Variants in PRKCA observed in about 807,000 individuals in gnomAD.
The protein encoded by PRKCA is protein kinase C alpha, also known as protein kinase C alpha type.
In PRKCA, 27 loss-of-function variants were observed where a neutral mutation model predicts 87.0. The ratio of observed to expected loss-of-function variants is 0.31; its 90% CI spans 0.23 to 0.43. The LOEUF is 0.43. Among genes scored for constraint, PRKCA ranks in the 20% least tolerant of loss-of-function variants. The probability of loss-of-function intolerance (pLI) is 1.00; values close to 1 mark genes in which losing one functional copy is unlikely to be tolerated. For synonymous variants in PRKCA, 329 were observed against 311.1 expected (o/e 1.06, Z -0.61); for missense variants, 518 against 852.3 (o/e 0.61, Z 4.88).
chr17:66,739,438 A>G (rs906953148), intron 11 of PRKCA, among the ~76,000 whole-genome samples: 3 of 152,128 alleles, frequency 2.0e-5, no homozygotes, highest in Admixed American at 6.5e-5. Flanking sequence ...TGGTTATCAC[A>G]CACCTGCTCT....
chr17:66,427,955 A>C (rs1256771190), intron 2 of PRKCA, among the ~76,000 whole-genome samples: 1 of 152,198 alleles, frequency 6.6e-6, no homozygotes, highest in Non-Finnish European at 1.5e-5. Flanking sequence ...CATCCCATGT[A>C]ACTTGTTTTT....
At chr17:66,603,775 C>T (rs996538634) in intron 3 of PRKCA, among the ~76,000 whole-genome samples, 14 of 152,126 alleles carry the variant, frequency 9.2e-5, no homozygotes, top group African/African-American at 3.4e-4. Context: ...ATTTTCCCTC[C>T]CCTCCAGCCC....
chr17:66,688,678 C>CT (rs1383582383), intron 7 of PRKCA, among the ~76,000 whole-genome samples: 1 of 152,006 alleles, frequency 6.6e-6, no homozygotes, highest in African/African-American at 2.4e-5. Context: ...TGGTGTACCC[C>CT]TGTAGTCCCA....
chr17:66,347,941 C>CTTTTTGTTTTTTTTTT (rs1907496656), intron 2 of PRKCA, among the ~76,000 whole-genome samples: 1 of 56,440 alleles, frequency 1.8e-5, no homozygotes, highest in Non-Finnish European at 3.3e-5. Flanking sequence ...AATTCTGAAC[C>CTTTTTGTTTTTTTTTT]TTTTTTTTTT....
chr17:66,594,419 C>CA (rs1228210904), intron 3 of PRKCA, among the ~76,000 whole-genome samples: 1 of 152,130 alleles, frequency 6.6e-6, no homozygotes, highest in African/African-American at 2.4e-5. Flanking sequence ...ATTACTTGTC[C>CA]AGATGGCCTC....
intron 2 of PRKCA, among the ~76,000 whole-genome samples, chr17:66,354,071 T>A (rs1907906692): frequency 6.6e-6 from 1 of 152,210 alleles, no homozygotes; most frequent in South Asian, 2.1e-4. Flanking sequence ...GTTTGTGTCA[T>A]CTGTTTTGTT....
intron 2 of PRKCA, among the ~76,000 whole-genome samples, chr17:66,383,254 G>T (rs930216477): frequency 6.6e-6 from 1 of 152,104 alleles, no homozygotes; most frequent in African/African-American, 2.4e-5. Context: ...TTTCTAAGTG[G>T]TGAATTTTTT....
At chr17:66,323,844 A>G (rs1342060522) in intron 2 of PRKCA, among the ~76,000 whole-genome samples, 1 of 152,066 alleles carries the variant, frequency 6.6e-6, no homozygotes, top group African/African-American at 2.4e-5. Flanking sequence ...GGAGGCTGAG[A>G]CAGAATGGCT....
intron 2 of PRKCA, among the ~76,000 whole-genome samples, chr17:66,486,198 T>TTTG (rs1408860704): frequency 9.2e-5 from 14 of 152,126 alleles, no homozygotes; most frequent in Non-Finnish European, 1.6e-4. Flanking sequence ...CTTTAAGAGT[T>TTTG]TTGTTGTTGT....
intron 2 of PRKCA, among the ~76,000 whole-genome samples, chr17:66,389,945 C>T (rs1035686466): frequency 2.0e-5 from 3 of 152,196 alleles, no homozygotes; most frequent in African/African-American, 7.2e-5. Flanking sequence ...ATGAAGAGGC[C>T]GGGCGCAGTG....
chr17:66,321,088 T>C (rs1023304171), intron 2 of PRKCA, among the ~76,000 whole-genome samples: 1 of 152,204 alleles, frequency 6.6e-6, no homozygotes, highest in Non-Finnish European at 1.5e-5. Context: ...ACACAAAATA[T>C]ACAAAATAAC....
chr17:66,591,243 C>A (rs577090054), intron 3 of PRKCA, among the ~76,000 whole-genome samples: 1 of 152,254 alleles, frequency 6.6e-6, no homozygotes, highest in South Asian at 2.1e-4. Context: ...GCCTTGACTT[C>A]CCAGCCTCAA....
At chr17:66,525,928 C>G (rs569829805) in intron 3 of PRKCA, among the ~76,000 whole-genome samples, 43 of 152,018 alleles carry the variant, frequency 2.8e-4, no homozygotes, top group Non-Finnish European at 5.6e-4. Context: ...TATTTAATGC[C>G]CTTGCTAATA....
intron 2 of PRKCA, among the ~76,000 whole-genome samples, chr17:66,370,559 T>G (rs1410426171): frequency 6.9e-6 from 1 of 145,344 alleles, no homozygotes; most frequent in East Asian, 2.0e-4. Flanking sequence ...CTTTTTTTTT[T>G]TTTTTTTTTT....
Position 66,803,738 on chromosome 17 carries a change from G to A in PRKCA, c.1855-135G>A. 9 of 1,224,116 alleles carry A rather than the reference G, an allele frequency of 7.4e-6. No individual in the cohort carries two copies. Among genetic ancestry groups the A allele is most frequent in the Non-Finnish European group, 1.0e-5 (9 of 894,646 alleles). 75.8% of individuals were successfully genotyped at this position (1,224,116 alleles called of 1,614,324 possible). ...GCTTTTCAATCCAATAGGCCTGCAA[G>A]TCCTCCGAGATTCCTCCTCCTAACC... is the stretch of plus-strand genomic sequence containing the variant. On this transcript the variant is annotated intron_variant, in intron 16 of 16. Coordinates refer to ENST00000413366, the MANE Select transcript of PRKCA (RefSeq NM_002737.3). This position sits in a 1 kb window ranked among gnomAD's most constrained non-coding sequence, Gnocchi z 4.4.
intron 4 of PRKCA, 93 bp downstream of exon 4, chr17:66,641,559 C>A: frequency 1.3e-6 from 1 of 766,592 alleles, no homozygotes; most frequent in Non-Finnish European, 2.2e-6. Flanking sequence ...TTTTCAACAC[C>A]AACTCTTCAG....
At chr17:66,576,472 T>C (rs1279049023) in intron 3 of PRKCA, among the ~76,000 whole-genome samples, 4 of 152,212 alleles carry the variant, frequency 2.6e-5, no homozygotes, top group African/African-American at 9.7e-5. Context: ...GTCTATAATT[T>C]GAAATAAATG....
At chr17:66,404,292 A>G (rs1911220121) in intron 2 of PRKCA, 1 of 152,184 alleles carries the variant, frequency 6.6e-6, no homozygotes, top group Admixed American at 6.5e-5. Flanking sequence ...AAAAGCCTCT[A>G]CAGGAAATCT....
chr17:66,695,966 G>A (rs73329706), intron 8 of PRKCA, among the ~76,000 whole-genome samples: 3,365 of 152,310 alleles, frequency 0.022, 125 homozygotes, highest in African/African-American at 0.077. Context: ...TACTTTTAAA[G>A]TTCTTATAAA....
Sources: gnomAD v4.1 joint callset for allele counts (sites outside exome capture counted in the v4.1 genomes callset) on GRCh38, gnomAD v4.1.1 for gene constraint, Gnocchi (gnomAD v3.1) non-coding constraint, MANE v1.5 for transcripts, NCBI Gene and HGNC (gene_info 2026-07-23, HGNC 2026-07-21) for gene names.